The following DISC1 variants were observed in gnomAD, a reference collection of about 807,000 sequenced individuals.
The protein encoded by DISC1 is disrupted in schizophrenia 1 protein.
Under a neutral mutation model 84.5 loss-of-function variants are expected in DISC1, and 57 were observed. That is an observed-to-expected ratio of 0.67 (90% CI 0.55 to 0.84). The LOEUF (loss-of-function observed/expected upper bound fraction) is 0.84. Among genes scored for constraint, DISC1 ranks in the 40% least tolerant of loss-of-function variants. The pLI is 0.00. For missense variants in DISC1, 1,000 were observed against 1,057.8 expected, an observed-to-expected ratio of 0.95 and a Z score of 0.76; for synonymous variants, 411 against 415.2, an observed-to-expected ratio of 0.99 and a Z score of 0.12.
At chr1:231,658,657 T>C (rs556218457) in intron 1 of DISC1, among the ~76,000 whole-genome samples, 19 of 152,214 alleles carry the variant, frequency 1.2e-4, no homozygotes, top group Non-Finnish European at 2.4e-4. Context: ...GTTCCTTCAA[T>C]ACCTAGTTTA....
intron 1 of DISC1, chr1:231,685,067 G>A (rs1206080957): frequency 1.3e-5 from 2 of 152,276 alleles, no homozygotes; most frequent in African/African-American, 2.4e-5. Context: ...GTATCCGTTG[G>A]TGAATGTGAT....
intron 11 of DISC1, among the ~76,000 whole-genome samples, chr1:232,010,249 C>T (rs950331080): frequency 6.6e-5 from 10 of 152,198 alleles, no homozygotes; most frequent in Non-Finnish European, 1.5e-5. Context: ...GTCTCCAATG[C>T]TCTGGGTAGA....
At chr1:231,691,032 C>A (rs1348828174) in intron 1 of DISC1, among the ~76,000 whole-genome samples, 6 of 152,092 alleles carry the variant, frequency 3.9e-5, no homozygotes, top group Non-Finnish European at 5.9e-5. Flanking sequence ...TTCCCAGGGC[C>A]CCGGTAGAAA....
At chr1:231,753,696 C>T (rs1463394963) in intron 4 of DISC1, among the ~76,000 whole-genome samples, 1 of 152,192 alleles carries the variant, frequency 6.6e-6, no homozygotes, top group African/African-American at 2.4e-5. Context: ...TTCTTTTCTA[C>T]CACATGGCCA....
At chr1:231,705,479 G>A (rs1472959733) in intron 3 of DISC1, among the ~76,000 whole-genome samples, 1 of 151,830 alleles carries the variant, frequency 6.6e-6, no homozygotes, top group African/African-American at 2.4e-5. Context: ...GGGGGATTCC[G>A]GCAAAGAGAA....
intron 1 of DISC1, among the ~76,000 whole-genome samples, chr1:231,672,031 A>G (rs1209861095): frequency 1.3e-5 from 2 of 152,104 alleles, no homozygotes; most frequent in South Asian, 2.1e-4. Flanking sequence ...ATTCCATTAT[A>G]TTGTGCCAGA....
chr1:231,967,242 T>A (rs1321581978), intron 10 of DISC1, among the ~76,000 whole-genome samples: 1 of 152,198 alleles, frequency 6.6e-6, no homozygotes, highest in Non-Finnish European at 1.5e-5. Context: ...AGAGCCTGTG[T>A]GTCATGGCCA....
chr1:231,941,476 ATTT>A (rs36036497), intron 9 of DISC1, among the ~76,000 whole-genome samples: 1 of 144,480 alleles, frequency 6.9e-6, no homozygotes, highest in African/African-American at 2.5e-5. Flanking sequence ...TGAAACTTCA[ATTT>A]TTTTTTTTTT....
At chr1:231,912,635 C>A (rs889190778) in intron 9 of DISC1, among the ~76,000 whole-genome samples, 5 of 152,196 alleles carry the variant, frequency 3.3e-5, no homozygotes, top group Non-Finnish European at 7.3e-5. Context: ...GTCAGGGACC[C>A]ACTTGAGGAG....
At chr1:231,911,758 C>T (rs1380246843) in intron 9 of DISC1, among the ~76,000 whole-genome samples, 4 of 152,182 alleles carry the variant, frequency 2.6e-5, no homozygotes, top group African/African-American at 9.7e-5. Flanking sequence ...GGATAATATC[C>T]TGCAGAGTGT....
chr1:231,993,240 G>GT (rs2102926909), intron 10 of DISC1, among the ~76,000 whole-genome samples: 1 of 152,130 alleles, frequency 6.6e-6, no homozygotes, highest in East Asian at 1.9e-4. Flanking sequence ...CACTTTGCAG[G>GT]TGTGTGGAGA....
At chr1:231,961,058 C>T (rs965836973) in intron 10 of DISC1, among the ~76,000 whole-genome samples, 4 of 152,232 alleles carry the variant, frequency 2.6e-5, no homozygotes, top group Admixed American at 6.5e-5. Flanking sequence ...CCTCCTTGGG[C>T]ACACCATCTT....
intron 1 of DISC1, among the ~76,000 whole-genome samples, chr1:231,679,324 C>T (rs2063473005): frequency 6.6e-6 from 1 of 152,230 alleles, no homozygotes; most frequent in African/African-American, 2.4e-5. Context: ...TTCTGAATCC[C>T]AGCCCTCAGG....
chr1:231,815,022 G>T (rs998456655), intron 8 of DISC1: 1 of 150,732 alleles, frequency 6.6e-6, no homozygotes, highest in Non-Finnish European at 1.5e-5. Context: ...GACATTTAAA[G>T]GTGAGAAAGT....
chr1:231,859,394 T>C (rs1342876696), intron 9 of DISC1, among the ~76,000 whole-genome samples: 1 of 152,128 alleles, frequency 6.6e-6, no homozygotes, highest in Non-Finnish European at 1.5e-5. Flanking sequence ...CGGTGTCTGG[T>C]GAGGGCCTGT....
chr1:231,761,552 T>C (rs1329078197), intron 4 of DISC1, among the ~76,000 whole-genome samples: 1 of 152,128 alleles, frequency 6.6e-6, no homozygotes, highest in Non-Finnish European at 1.5e-5. Context: ...GGGATTTTCT[T>C]ATGGATTAAG....
At chr1:231,648,753 C>G (rs993306336) in intron 1 of DISC1, among the ~76,000 whole-genome samples, 7 of 152,128 alleles carry the variant, frequency 4.6e-5, no homozygotes, top group African/African-American at 1.7e-4. Context: ...TTGGTCTATT[C>G]AGAGATTCAA....
At chr1:231,943,724 CT>C (rs201180878) in intron 9 of DISC1, 26,356 of 140,964 alleles carry the variant, frequency 0.19, 2,333 homozygotes, top group East Asian at 0.34. Context: ...GACAATATGA[CT>C]TTTTTTTTTT....
chr1:232,022,441 G>A (rs1572665080), intron 11 of DISC1, among the ~76,000 whole-genome samples: 1 of 151,884 alleles, frequency 6.6e-6, no homozygotes, highest in African/African-American at 2.4e-5. Flanking sequence ...CTGAGTAGCC[G>A]GGACTACAGG....
Sources: gnomAD v4.1 joint callset for allele counts (sites outside exome capture counted in the v4.1 genomes callset) on GRCh38, gnomAD v4.1.1 for gene constraint, MANE v1.5 for transcripts, NCBI Gene and HGNC (gene_info 2026-07-23, HGNC 2026-07-21) for gene names.